Variants in PCDHGB3 observed in about 807,000 individuals in gnomAD.
PCDHGB3 encodes the protein protocadherin gamma subfamily B, 3.
PCDHGB3 carries 40 observed loss-of-function variants against 59.2 expected under a neutral mutation model. The observed-to-expected ratio is 0.68, with a 90% CI of 0.52 to 0.88. The LOEUF is 0.88. Ranked by LOEUF, PCDHGB3 falls within the 40% of genes least tolerant of loss-of-function variation. The pLI is 0.00. For synonymous variants in PCDHGB3, 581 were observed against 503.6 expected (o/e 1.15, Z -2.06); for missense variants, 1,309 against 1,187.9 (o/e 1.10, Z -1.50).
At chr5:141,385,415 T>C (rs1781181251) in intron 1 of PCDHGB3, 2 of 1,466,016 alleles carry the variant, frequency 1.4e-6, no homozygotes, top group Non-Finnish European at 1.8e-6. Context: ...AAAATAGGGA[T>C]TTAAAAAACT....
chr5:141,391,354 T>C (rs1345659874), intron 1 of PCDHGB3: 3 of 150,784 alleles, frequency 2.0e-5, no homozygotes, highest in Non-Finnish European at 3.0e-5. Flanking sequence ...TGTCTGTTAC[T>C]CAGGCTGTAG....
At chr5:141,440,030 G>A (rs780807702) in intron 1 of PCDHGB3, 2 of 153,028 alleles carry the variant, frequency 1.3e-5, no homozygotes, top group African/African-American at 2.4e-5. Context: ...ACTCAGTGTC[G>A]AGGACATGCC....
At chr5:141,385,591 T>C in intron 1 of PCDHGB3, 3 of 1,245,038 alleles carry the variant, frequency 2.4e-6, no homozygotes, top group Non-Finnish European at 3.0e-6. Context: ...TGTTCCAACC[T>C]ACTTTCTTAA....
Position 141,397,948 on chromosome 5 carries a change from C to T in PCDHGB3, c.2415+25139C>T, listed in dbSNP as rs139631080. The T allele has an allele frequency of 7.9e-4, 721 of 913,614 alleles. 6 individuals are homozygous for T. The African/African-American group carries it at 0.01, about 13-fold the overall frequency. The allele number at this position is 913,614 out of a possible 1,614,324, so 56.6% of individuals were successfully genotyped here. On this transcript the variant is annotated intron_variant, in intron 1 of 3. Coordinates refer to ENST00000576222, the MANE Select transcript of PCDHGB3 (RefSeq NM_018924.5). Reference sequence around the variant, plus strand: ...CGCAGCCGCAGCGCGCTTTCCAGGGCAGCCCCAGCTCAGACTCCCCAGCGC... The same window carrying T: ...CGCAGCCGCAGCGCGCTTTCCAGGGTAGCCCCAGCTCAGACTCCCCAGCGC...
intron 1 of PCDHGB3, chr5:141,410,413 TG>T: frequency 6.2e-7 from 1 of 1,614,056 alleles, no homozygotes; most frequent in Non-Finnish European, 8.5e-7. Flanking sequence ...AGTCTGGACC[TG>T]TAGTTCCCCC....
At position 141,432,880 on chromosome 5, in the gene PCDHGB3, C is replaced by A. The variant is rs865848752; in HGVS notation, c.2415+60071C>A. 3 of 1,614,194 alleles carry A rather than the reference C, an allele frequency of 1.9e-6. No homozygotes were observed. The highest frequency in any genetic ancestry group is 2.5e-6 in the Non-Finnish European group (3 of 1,180,008). ...CGGTCTCCTGCGTCTTCCTGGCCTT[C>A]GTCATCTTGCTGCTGGCGCTCAGGC... On this transcript the variant is annotated intron_variant, in intron 1 of 3. Coordinates refer to ENST00000576222, the MANE Select transcript of PCDHGB3 (RefSeq NM_018924.5). The surrounding 1 kb of genome is among the most constrained non-coding windows in gnomAD (Gnocchi z 6.0).
At position 141,374,492 on chromosome 5, in the gene PCDHGB3, G is replaced by A. The variant is rs770971184; in HGVS notation, c.2415+1683G>A. The A allele has an allele frequency of 5.3e-5, 85 of 1,611,364 alleles. No individual in the cohort carries two copies. The highest frequency in any genetic ancestry group is 6.9e-5 in the Non-Finnish European group (81 of 1,177,766). On this transcript the variant is annotated intron_variant, in intron 1 of 3. Transcript: ENST00000576222. ...CAATACACCCCGATTCTTAAAGGAA[G>A]AATTGGAAGTGAAAATTCTCGAAAA... is the stretch of plus-strand genomic sequence containing the variant.
rs560084217 is a variant in PCDHGB3 at position 141,395,247 on chromosome 5, G to A, written c.2415+22438G>A. On this transcript the variant is annotated intron_variant, in intron 1 of 3. Transcript: ENST00000576222. ...AGCTGATCATGGTCAGGTGAGTTTA[G>A]TTCTTTGCTTGCTTTTAATTTCCAG... 4 of 1,561,194 alleles carry A rather than the reference G, an allele frequency of 2.6e-6. No individual in the cohort carries two copies. The East Asian group carries it at 9.1e-5, about 35-fold the overall frequency.
rs115568443 is a variant in PCDHGB3 at position 141,439,423 on chromosome 5, A to G, written c.2416-55384A>G. On this transcript the variant is annotated intron_variant, in intron 1 of 3. Coordinates refer to ENST00000576222, the MANE Select transcript of PCDHGB3 (RefSeq NM_018924.5). ...TGTGCTAACATCACTGAGGTTATAA[A>G]TTCCCAGGAATATTTTATTGCGGGA... 1.0e-2 allele frequency among the ~76,000 whole-genome samples: 1,522 copies of G among 152,306 alleles called. 34 individuals carry two copies. Among genetic ancestry groups the G allele is most frequent in the African/African-American group, 0.034 (1,425 of 41,558 alleles).
intron 3 of PCDHGB3, among the ~76,000 whole-genome samples, chr5:141,505,698 G>A (rs1041309644): frequency 2.0e-5 from 3 of 152,280 alleles, no homozygotes; most frequent in Admixed American, 6.5e-5. Context: ...GGAGGAGAGC[G>A]AACAAGGAAA....
intron 1 of PCDHGB3, among the ~76,000 whole-genome samples, chr5:141,483,644 G>A (rs2099584188): frequency 6.8e-6 from 1 of 146,522 alleles, no homozygotes; most frequent in African/African-American, 2.7e-5. Context: ...AGAGGGGTGT[G>A]TGTTTGTGTG....
intron 1 of PCDHGB3, 110 bp downstream of exon 1, chr5:141,372,919 A>T (rs1404152823): frequency 9.8e-7 from 1 of 1,018,038 alleles, no homozygotes; most frequent in Admixed American, 3.0e-5. Context: ...TATTTTATTG[A>T]TTTTCTGGTG....
rs762413220 is a variant in PCDHGB3 at position 141,403,196 on chromosome 5, G to T, written c.2415+30387G>T. 1.9e-6 allele frequency: 3 copies of T among 1,613,986 alleles called. No individual in the cohort carries two copies. The South Asian group carries it at 3.3e-5, about 18-fold the overall frequency. ...GCTTTTCTCTCTGAACCCGCGCAGC[G>T]GCACCTTGGTCACCGCGGGTAGGAT... is the stretch of plus-strand genomic sequence containing the variant. On this transcript the variant is annotated intron_variant, in intron 1 of 3. Transcript: ENST00000576222.
intron 1 of PCDHGB3, chr5:141,412,841 G>C (rs1285924844): frequency 4.9e-6 from 1 of 205,932 alleles, no homozygotes; most frequent in East Asian, 1.1e-4. Flanking sequence ...AAAGATAGGA[G>C]TGGAGAAACC....
At position 141,384,238 on chromosome 5, in the gene PCDHGB3, G is replaced by A. The variant is rs1779876859; in HGVS notation, c.2415+11429G>A. ...ATTCATGCAGGTGGCAGACACCAAC[G>A]ATAACCCACCCACCTTCCCCCACTC... On this transcript the variant is annotated intron_variant, in intron 1 of 3. Coordinates refer to ENST00000576222, the MANE Select transcript of PCDHGB3 (RefSeq NM_018924.5). 1 of 1,613,838 alleles carries A rather than the reference G, an allele frequency of 6.2e-7. No individual in the cohort carries two copies. Among genetic ancestry groups the A allele is most frequent in the Non-Finnish European group, 8.5e-7 (1 of 1,179,886 alleles).
chr5:141,406,757 A>C (rs1274112027), intron 1 of PCDHGB3, among the ~76,000 whole-genome samples: 3 of 152,230 alleles, frequency 2.0e-5, no homozygotes, highest in Non-Finnish European at 4.4e-5. Context: ...CAAAACAAGG[A>C]ATTAAAAATA....
chr5:141,426,691 G>A, intron 1 of PCDHGB3: 1 of 435,886 alleles, frequency 2.3e-6, no homozygotes, highest in South Asian at 1.6e-5. Context: ...CCCCAAAATA[G>A]CATTGTTTTA....
At position 141,431,698 on chromosome 5, in the gene PCDHGB3, AT is replaced by A. The variant is rs2097408637; in HGVS notation, c.2415+58891del. ...GGGAGTTGGACCACGAGGAGTCAGG[AT>A]TCTACCAGATGGAAGTGCAAGCAAT... On this transcript the variant is annotated intron_variant, in intron 1 of 3. Coordinates refer to ENST00000576222, the MANE Select transcript of PCDHGB3 (RefSeq NM_018924.5). The surrounding 1 kb of genome is among the most constrained non-coding windows in gnomAD (Gnocchi z 4.8). 4.3e-6 allele frequency: 7 copies of A among 1,614,104 alleles called. 1 individual carries two copies. The South Asian group carries it at 7.7e-5, about 18-fold the overall frequency.
rs1018384314 is a variant in PCDHGB3 at position 141,490,427 on chromosome 5, A to G, written c.2416-4380A>G. On this transcript the variant is annotated intron_variant, in intron 1 of 3. Coordinates refer to ENST00000576222, the MANE Select transcript of PCDHGB3 (RefSeq NM_018924.5). This position sits in a 1 kb window ranked among gnomAD's most constrained non-coding sequence, Gnocchi z 5.4. ...GATATCTCTCCGGACCTGCCATTTCAGATTAAGCCTTCTGAGAACCACTAC... is the reference window on the plus strand; with the variant it reads ...GATATCTCTCCGGACCTGCCATTTCGGATTAAGCCTTCTGAGAACCACTAC... 6.2e-7 allele frequency: 1 copy of G among 1,614,092 alleles called. No individual in the cohort carries two copies.
Sources: allele counts gnomAD v4.1 joint callset (sites outside exome capture counted in the v4.1 genomes callset), GRCh38; gene constraint gnomAD v4.1.1; non-coding constraint Gnocchi (gnomAD v3.1); transcripts MANE v1.5; gene names NCBI Gene and HGNC (gene_info 2026-07-23, HGNC 2026-07-21).